Variants in HOOK3 observed in about 807,000 individuals in gnomAD.
HOOK3 encodes protein Hook homolog 3.
HOOK3 carries 24 observed loss-of-function variants against 116.3 expected under a neutral mutation model. That is an observed-to-expected ratio of 0.21 (90% CI 0.15 to 0.29). The LOEUF is 0.29. Among genes scored for constraint, HOOK3 ranks in the 10% least tolerant of loss-of-function variants. HOOK3 has a pLI of 1.00. For missense variants in HOOK3, 632 were observed against 830.2 expected, an observed-to-expected ratio of 0.76 and a Z score of 2.93; for synonymous variants, 275 against 283.0, an observed-to-expected ratio of 0.97 and a Z score of 0.28.
At chr8:42,967,684 T>C (rs1808656749) in intron 10 of HOOK3, among the ~76,000 whole-genome samples, 1 of 151,988 alleles carries the variant, frequency 6.6e-6, no homozygotes, top group African/African-American at 2.4e-5. Context: ...AACCCCACTA[T>C]CTGCCCACAC....
Position 43,020,321 on chromosome 8 carries a change from G to C in HOOK3, c.*1823G>C, listed in dbSNP as rs1484078701. On this transcript the variant is annotated 3_prime_UTR_variant, in exon 22 of 22. Coordinates refer to ENST00000307602, the MANE Select transcript of HOOK3 (RefSeq NM_032410.4). ...GGGCTTCAGGAGGCTACGCAGACCT[G>C]ATCAACTGCAAAGTTTCCAAAGTAA... 4 of 199,020 alleles carry C rather than the reference G, an allele frequency of 2.0e-5. No individual in the cohort carries two copies. The highest frequency in any genetic ancestry group is 9.2e-5 in the African/African-American group (4 of 43,454). 12.3% of individuals were successfully genotyped at this position (199,020 alleles called of 1,614,324 possible). A position where few individuals can be genotyped will look rare whatever the true frequency, so the allele number is the denominator to read the frequency against.
intron 16 of HOOK3, chr8:43,001,126 T>C (rs1454055169): frequency 6.6e-6 from 1 of 151,754 alleles, no homozygotes; most frequent in Non-Finnish European, 1.5e-5. Context: ...TAATTTTTTA[T>C]AAAACAAAGG....
At position 43,026,111 on chromosome 8, in the gene HOOK3, A is replaced by G; in HGVS notation, c.*7613A>G. 1 of 208,544 alleles carries G rather than the reference A, an allele frequency of 4.8e-6. No homozygotes were observed. The allele number at this position is 208,544 out of a possible 1,614,324, so 12.9% of individuals were successfully genotyped here. A position where few individuals can be genotyped will look rare whatever the true frequency, so the allele number is the denominator to read the frequency against. ...AGGTAGGCGTTAACACTTGAGTGGT[A>G]ACTAGCTTGATGAAGGAAAATAATT... On this transcript the variant is annotated 3_prime_UTR_variant, in exon 22 of 22. Transcript: ENST00000307602.
chr8:42,979,407 A>G (rs1401544458), intron 13 of HOOK3, among the ~76,000 whole-genome samples: 2 of 152,208 alleles, frequency 1.3e-5, no homozygotes, highest in African/African-American at 4.8e-5. Flanking sequence ...TCTTTCTCCT[A>G]GGAAAAGAAC....
At chr8:42,908,270 C>G (rs1225995854) in intron 2 of HOOK3, among the ~76,000 whole-genome samples, 1 of 152,144 alleles carries the variant, frequency 6.6e-6, no homozygotes, top group Admixed American at 6.5e-5. Context: ...AATGCATTCC[C>G]TATAAAAACT....
At chr8:43,002,165 T>C (rs1809393316) in intron 17 of HOOK3, 24 bp downstream of exon 17, 1 of 1,570,894 alleles carries the variant, frequency 6.4e-7, no homozygotes, top group Non-Finnish European at 8.8e-7. Flanking sequence ...CTGTTGAGGC[T>C]GATTCTTCTA....
At position 42,992,224 on chromosome 8, in the gene HOOK3, C is replaced by A. The variant is rs549395845; in HGVS notation, c.1533-5326C>A. ...GACCATCCTGGCGAACACGGTGAAA[C>A]CCCGTCTCTGCTAAAAATACAAAAA... On this transcript the variant is annotated intron_variant, in intron 15 of 21. Transcript: ENST00000307602. 2.5e-4 allele frequency among the ~76,000 whole-genome samples: 38 copies of A among 150,120 alleles called. No individual in the cohort carries two copies. In the South Asian group the frequency reaches 8.0e-3, roughly 32 times the overall value.
At chr8:42,905,238 G>A (rs1256931463) in intron 1 of HOOK3, among the ~76,000 whole-genome samples, 1 of 150,778 alleles carries the variant, frequency 6.6e-6, no homozygotes, top group East Asian at 1.9e-4. Flanking sequence ...CTCACATACC[G>A]GGAGGCATCA....
intron 13 of HOOK3, among the ~76,000 whole-genome samples, chr8:42,981,496 G>A (rs1029875532): frequency 1.3e-5 from 2 of 152,200 alleles, no homozygotes; most frequent in African/African-American, 2.4e-5. Context: ...ATGAATTAAA[G>A]CATTGTTTCT....
chr8:42,916,957 C>A lies in HOOK3; in HGVS notation c.144-8600C>A, dbSNP rs577793979. ...TCCTTTTGGGTTGACAGTACAGACCCCACAAATTAAAGTTAAGGTCCCAGT... is the reference window on the plus strand; with the variant it reads ...TCCTTTTGGGTTGACAGTACAGACCACACAAATTAAAGTTAAGGTCCCAGT... On this transcript the variant is annotated intron_variant, in intron 2 of 21. Transcript: ENST00000307602. Among the ~76,000 whole-genome samples the A allele has an allele frequency of 3.3e-5, 5 of 152,204 alleles. No homozygotes were observed. The South Asian group carries it at 1.0e-3, about 32-fold the overall frequency.
At position 42,959,122 on chromosome 8, in the gene HOOK3, C is replaced by T. The variant is rs80049388; in HGVS notation, c.532-109C>T. 3,815 of 679,340 alleles carry T rather than the reference C, an allele frequency of 5.6e-3. 38 individuals are homozygous for T. The highest frequency in any genetic ancestry group is 0.021 in the Middle Eastern group (76 of 3,666). The allele number at this position is 679,340 out of a possible 1,614,324, so 42.1% of individuals were successfully genotyped here. A position where few individuals can be genotyped will look rare whatever the true frequency, so the allele number is the denominator to read the frequency against. ...ATTCTTGATTTCCTCTTGCACCCTT[C>T]CCTCTTCAGGAAAGACAGGGGGGAG... On this transcript the variant is annotated intron_variant, in intron 7 of 21. Coordinates refer to ENST00000307602, the MANE Select transcript of HOOK3 (RefSeq NM_032410.4).
chr8:42,965,438 TG>T (rs1222837318), intron 9 of HOOK3, among the ~76,000 whole-genome samples: 1 of 151,884 alleles, frequency 6.6e-6, no homozygotes, highest in African/African-American at 2.4e-5. Context: ...ACATCTTCTG[TG>T]GGAAGAAAAG....
At chr8:43,005,195 C>A (rs1410894981) in intron 17 of HOOK3, among the ~76,000 whole-genome samples, 8 of 63,866 alleles carry the variant, frequency 1.3e-4, no homozygotes, top group South Asian at 6.9e-4. Flanking sequence ...CTCTCTCTCT[C>A]TCTCTATATA....
At chr8:43,002,563 A>G (rs934354483) in intron 17 of HOOK3, among the ~76,000 whole-genome samples, 9 of 152,258 alleles carry the variant, frequency 5.9e-5, no homozygotes, top group African/African-American at 2.2e-4. Flanking sequence ...ATGTTGTAGT[A>G]AAACTTTATA....
At chr8:42,942,118 T>G (rs1041870107) in intron 4 of HOOK3, among the ~76,000 whole-genome samples, 1 of 151,996 alleles carries the variant, frequency 6.6e-6, no homozygotes, top group Non-Finnish European at 1.5e-5. Flanking sequence ...ATTAGCTGGG[T>G]GTGGTGGCAC....
At position 43,028,252 on chromosome 8, in the gene HOOK3, G is replaced by A. The variant is rs1809968937; in HGVS notation, c.*9754G>A. Reference sequence around the variant, plus strand: ...GCCTGTAGTCCCAGCTACTCCAGAGGTCGAGGCAGGAGCATCGCTTAAGCC... The same window carrying A: ...GCCTGTAGTCCCAGCTACTCCAGAGATCGAGGCAGGAGCATCGCTTAAGCC... On this transcript the variant is annotated 3_prime_UTR_variant, in exon 22 of 22. Coordinates refer to ENST00000307602, the MANE Select transcript of HOOK3 (RefSeq NM_032410.4). 1 of 184,382 alleles carries A rather than the reference G, an allele frequency of 5.4e-6. No homozygotes were observed. The highest frequency in any genetic ancestry group is 1.1e-5 in the Non-Finnish European group (1 of 87,082). The allele number at this position is 184,382 out of a possible 1,614,324, so 11.4% of individuals were successfully genotyped here.
At position 42,924,710 on chromosome 8, in the gene HOOK3, C is replaced by T. The variant is rs555305775; in HGVS notation, c.144-847C>T. On this transcript the variant is annotated intron_variant, in intron 2 of 21. Transcript: ENST00000307602. ...GTCACTGGCCAGGGGTGATGGCTCA[C>T]GCCTGTAATCCCAGCACTTTGGGAG... Among the ~76,000 whole-genome samples the T allele has an allele frequency of 3.2e-4, 49 of 152,232 alleles. No homozygotes were observed. In the South Asian group the frequency reaches 6.0e-3, roughly 19 times the overall value.
chr8:43,000,052 G>T (rs1234750764), intron 16 of HOOK3, among the ~76,000 whole-genome samples: 1 of 152,186 alleles, frequency 6.6e-6, no homozygotes, highest in African/African-American at 2.4e-5. Flanking sequence ...GGAAGCTGAG[G>T]CAGGGGAATG....
intron 2 of HOOK3, among the ~76,000 whole-genome samples, chr8:42,919,468 C>T (rs558456611): frequency 2.1e-4 from 31 of 147,760 alleles, no homozygotes; most frequent in African/African-American, 7.0e-4. Flanking sequence ...ACTGGGCGGC[C>T]GGGCAGAGGG....
Sources: allele counts gnomAD v4.1 joint callset (sites outside exome capture counted in the v4.1 genomes callset), GRCh38; gene constraint gnomAD v4.1.1; transcripts MANE v1.5; gene names NCBI Gene and HGNC (gene_info 2026-07-23, HGNC 2026-07-21).